MND1: variants seen among roughly 807,000 people sequenced by gnomAD.
The protein encoded by MND1 is meiotic nuclear divisions 1, also known as meiotic nuclear division protein 1 homolog.
Under a neutral mutation model 35.1 loss-of-function variants are expected in MND1, and 28 were observed. The ratio of observed to expected loss-of-function variants is 0.80; its 90% CI spans 0.59 to 1.09. The LOEUF is 1.09. Among genes scored for constraint, MND1 ranks in the 50% least tolerant of loss-of-function variants. The pLI is 0.00. For missense variants in MND1, 213 were observed against 239.6 expected, an observed-to-expected ratio of 0.89 and a Z score of 0.73; for synonymous variants, 69 against 70.5, an observed-to-expected ratio of 0.98 and a Z score of 0.11.
intron 2 of MND1, among the ~76,000 whole-genome samples, chr4:153,354,254 TA>T (rs945780316): frequency 3.3e-5 from 5 of 152,206 alleles, no homozygotes; most frequent in African/African-American, 9.6e-5. Context: ...GATTGATAGG[TA>T]GCCATGAAAT....
chr4:153,394,427 T>C, intron 5 of MND1, 91 bp downstream of exon 5: 1 of 1,005,168 alleles, frequency 9.9e-7, no homozygotes, highest in Non-Finnish European at 1.5e-6. Flanking sequence ...GATGCATTTC[T>C]ACCAGAAGAG....
chr4:153,358,612 T>C lies in MND1; in HGVS notation c.266T>C (p.Leu89Pro), dbSNP rs1487346353. The C allele has an allele frequency of 3.1e-6, 5 of 1,612,104 alleles. No homozygotes were observed. Among genetic ancestry groups the C allele is most frequent in the Non-Finnish European group, 3.4e-6 (4 of 1,179,354 alleles). Residue 89 changes from leucine (L) to proline (P), a missense_variant, in exon 4 of 8, where the codon CTG becomes CCG. Transcript: ENST00000240488. ...LHARKHKLEV[L>P]ESQLSEGSQK... ...GCAAGGAAACATAAGTTGGAGGTTC[T>C]GGAATCTCAGGTAAGCTGCCACAGT...
intron 2 of MND1, among the ~76,000 whole-genome samples, chr4:153,352,809 C>T (rs1178913217): frequency 6.6e-6 from 1 of 150,910 alleles, no homozygotes; most frequent in Non-Finnish European, 1.5e-5. Flanking sequence ...TCCATGGTAC[C>T]TTACACATAG....
chr4:153,356,552 C>CAAA (rs34763120), intron 3 of MND1, among the ~76,000 whole-genome samples: 4,367 of 59,252 alleles, frequency 0.074, 685 homozygotes, highest in South Asian at 0.14. Context: ...AACTCAGTCT[C>CAAA]AAAAAAAAAA....
At chr4:153,363,214 CTT>C (rs56951052) in intron 4 of MND1, among the ~76,000 whole-genome samples, 109 of 140,986 alleles carry the variant, frequency 7.7e-4, no homozygotes, top group Non-Finnish European at 9.5e-4. Flanking sequence ...GGGGATAGTT[CTT>C]TTTTTTTTTT....
rs147553000 is a variant in MND1 at position 153,366,396 on chromosome 4, A to G, written c.276+7774A>G. On this transcript the variant is annotated intron_variant, in intron 4 of 7. Coordinates refer to ENST00000240488, the MANE Select transcript of MND1 (RefSeq NM_032117.4). ...TGTGGATGAATTTTTTAAAAATTCA[A>G]CTAAGATAGGGAAGACTGCAAGAGG... 5.1e-3 allele frequency among the ~76,000 whole-genome samples: 773 copies of G among 152,350 alleles called. 5 individuals are homozygous for G. The highest frequency in any genetic ancestry group is 0.018 in the African/African-American group (736 of 41,578).
intron 6 of MND1, among the ~76,000 whole-genome samples, chr4:153,408,696 C>T (rs529586068): frequency 6.6e-6 from 1 of 152,050 alleles, no homozygotes; most frequent in Non-Finnish European, 1.5e-5. Context: ...TGATGATGGA[C>T]ACTTAGGAAA....
At chr4:153,411,599 T>G (rs1020589843) in intron 7 of MND1, among the ~76,000 whole-genome samples, 1 of 152,200 alleles carries the variant, frequency 6.6e-6, no homozygotes, top group Admixed American at 6.5e-5. Context: ...TAAATGTTTA[T>G]AATGAAATGG....
chr4:153,353,505 T>G (rs1343238023), intron 2 of MND1, among the ~76,000 whole-genome samples: 1 of 146,908 alleles, frequency 6.8e-6, no homozygotes, highest in Non-Finnish European at 1.5e-5. Context: ...AAGGAGTTCT[T>G]TATATACGTA....
At chr4:153,344,829 C>G in intron 1 of MND1, 89 bp downstream of exon 1, 2 of 1,542,462 alleles carry the variant, frequency 1.3e-6, no homozygotes, top group Admixed American at 1.9e-5. Flanking sequence ...CCCGGCCTGG[C>G]GTTGACCGCC....
intron 4 of MND1, among the ~76,000 whole-genome samples, chr4:153,379,131 A>G (rs1274444157): frequency 6.6e-6 from 1 of 151,850 alleles, no homozygotes; most frequent in East Asian, 1.9e-4. Flanking sequence ...TACTAAAAGT[A>G]CCAAAAAAAT....
At chr4:153,367,227 A>G (rs578205876) in intron 4 of MND1, among the ~76,000 whole-genome samples, 23 of 152,336 alleles carry the variant, frequency 1.5e-4, no homozygotes, top group Admixed American at 1.4e-3. Context: ...ATGTACAGTC[A>G]TCACTACAGT....
chr4:153,368,076 A>T (rs187740032), intron 4 of MND1, among the ~76,000 whole-genome samples: 83 of 152,312 alleles, frequency 5.4e-4, no homozygotes, highest in African/African-American at 1.9e-3. Flanking sequence ...GTGCATATTC[A>T]TCACTCAGCA....
At chr4:153,354,612 C>T (rs1039223680) in intron 2 of MND1, among the ~76,000 whole-genome samples, 2 of 152,152 alleles carry the variant, frequency 1.3e-5, no homozygotes, top group African/African-American at 4.8e-5. Flanking sequence ...AAGCTATTCT[C>T]CCATCTCAGC....
chr4:153,358,669 G>A lies in MND1; in HGVS notation c.276+47G>A, dbSNP rs1773405672. ...GAATAGAGTTGCTTTATAACGGAGA[G>A]TTGTTTTACTTCATCCTCTTTTTGT... On this transcript the variant is annotated intron_variant, in intron 4 of 7. Transcript: ENST00000240488. 2.6e-6 allele frequency: 4 copies of A among 1,544,244 alleles called. No individual in the cohort carries two copies. In the South Asian group the frequency reaches 5.1e-5, roughly 20 times the overall value.
At chr4:153,397,739 A>G (rs762813327) in intron 6 of MND1, among the ~76,000 whole-genome samples, 11 of 152,096 alleles carry the variant, frequency 7.2e-5, no homozygotes, top group Admixed American at 3.3e-4. Flanking sequence ...AGAATCCCTC[A>G]AGCCCAGGAG....
chr4:153,389,228 C>T (rs1002196829), intron 4 of MND1, among the ~76,000 whole-genome samples: 1 of 152,088 alleles, frequency 6.6e-6, no homozygotes, highest in Non-Finnish European at 1.5e-5. Context: ...AGCTTGGAGG[C>T]GAGGTTTCAC....
chr4:153,371,914 G>A (rs529361658), intron 4 of MND1, among the ~76,000 whole-genome samples: 4 of 152,092 alleles, frequency 2.6e-5, no homozygotes, highest in African/African-American at 4.8e-5. Flanking sequence ...GATGTGTGAC[G>A]TTTTTTCACT....
intron 4 of MND1, among the ~76,000 whole-genome samples, chr4:153,374,181 A>T (rs1728417920): frequency 6.6e-6 from 1 of 152,218 alleles, no homozygotes; most frequent in African/African-American, 2.4e-5. Flanking sequence ...CAGTCAGTAT[A>T]TGGTGGCCGC....
Sources: allele counts gnomAD v4.1 joint callset (sites outside exome capture counted in the v4.1 genomes callset), GRCh38; gene constraint gnomAD v4.1.1; transcripts MANE v1.5; gene names NCBI Gene and HGNC (gene_info 2026-07-23, HGNC 2026-07-21).